ABHD2: variants seen among roughly 807,000 people sequenced by gnomAD.
ABHD2 encodes abhydrolase domain containing 2, acylglycerol lipase, also known as monoacylglycerol lipase ABHD2.
A neutral mutation model predicts 48.1 loss-of-function variants in ABHD2; 20 were observed. The observed-to-expected ratio is 0.42, with a 90% CI of 0.29 to 0.60. The LOEUF is 0.60. Among genes scored for constraint, ABHD2 ranks in the 20% least tolerant of loss-of-function variants. ABHD2 has a pLI of 0.24. For synonymous variants in ABHD2, 209 were observed against 214.2 expected, an observed-to-expected ratio of 0.98 and a Z score of 0.21; for missense variants, 405 against 550.9, an observed-to-expected ratio of 0.74 and a Z score of 2.65.
At chr15:89,171,863 A>T (rs1567102988) in intron 5 of ABHD2, among the ~76,000 whole-genome samples, 1 of 152,142 alleles carries the variant, frequency 6.6e-6, no homozygotes, top group Non-Finnish European at 1.5e-5. Flanking sequence ...CCATGGCCAG[A>T]TCCCACCCCC....
chr15:89,075,573 A>C, the ABHD2 span, among the ~76,000 whole-genome samples: 3 of 152,154 alleles, frequency 2.0e-5, no homozygotes, highest in African/African-American at 7.2e-5. This position sits in a 1 kb window ranked among gnomAD's most constrained non-coding sequence, Gnocchi z 4.1. Context: ...GTGGAGGCGA[A>C]AAAAGATGCT....
Position 89,177,246 on chromosome 15 carries a change from G to A in ABHD2, c.722+1251G>A, listed in dbSNP as rs1158249712. Among the ~76,000 whole-genome samples, 2 of 152,172 alleles carry A rather than the reference G, an allele frequency of 1.3e-5. No homozygotes were observed. Among genetic ancestry groups the A allele is most frequent in the Non-Finnish European group, 2.9e-5 (2 of 68,028 alleles). On this transcript the variant is annotated intron_variant, in intron 6 of 10. Coordinates refer to ENST00000352732, the MANE Select transcript of ABHD2 (RefSeq NM_152924.5). This position sits in a 1 kb window ranked among gnomAD's most constrained non-coding sequence, Gnocchi z 5.6. ...CGCTGAGAGTCAAATGAGTTGATGC[G>A]TGTGAAGTGCTTAGAACAGTGCCCA...
rs1432110327 is a variant in ABHD2, at chr15:89,179,410, C to T, written c.722+3415C>T. On this transcript the variant is annotated intron_variant, in intron 6 of 10. Coordinates refer to ENST00000352732, the MANE Select transcript of ABHD2 (RefSeq NM_152924.5). This position sits in a 1 kb window ranked among gnomAD's most constrained non-coding sequence, Gnocchi z 4.3. ...CAGATCAGCAGTGACATTAGATTCT[C>T]ATAGGAGGATGAACCTTATTGTGAA... 2.0e-5 allele frequency among the ~76,000 whole-genome samples: 3 copies of T among 152,176 alleles called. No individual in the cohort carries two copies. Among genetic ancestry groups the T allele is most frequent in the Non-Finnish European group, 4.4e-5 (3 of 68,040 alleles).
Position 89,195,533 on chromosome 15 carries a change from C to T in ABHD2, c.*110C>T, listed in dbSNP as rs537915030. 2.8e-4 allele frequency: 346 copies of T among 1,222,224 alleles called. No individual in the cohort carries two copies. The highest frequency in any genetic ancestry group is 3.7e-4 in the Non-Finnish European group (330 of 897,374). The allele number at this position is 1,222,224 out of a possible 1,614,324, so 75.7% of individuals were successfully genotyped here. Reference sequence around the variant, plus strand: ...CAGTGACCTGGATCTGACCTCACACCATCAGCAGGGGGCACCCACCATGCA... The same window carrying T: ...CAGTGACCTGGATCTGACCTCACACTATCAGCAGGGGGCACCCACCATGCA... On this transcript the variant is annotated 3_prime_UTR_variant, in exon 11 of 11. Transcript: ENST00000352732. This position sits in a 1 kb window ranked among gnomAD's most constrained non-coding sequence, Gnocchi z 5.1.
upstream of ABHD2, among the ~76,000 whole-genome samples, chr15:89,083,188 T>G (rs927327571): frequency 6.6e-6 from 1 of 152,144 alleles, no homozygotes; most frequent in Admixed American, 6.5e-5. This position sits in a 1 kb window ranked among gnomAD's most constrained non-coding sequence, Gnocchi z 5.1. Context: ...TTTGTAGTTG[T>G]TGTTATTTTT....
At chr15:89,111,574 A>G (rs1193048251) in intron 1 of ABHD2, among the ~76,000 whole-genome samples, 2 of 152,200 alleles carry the variant, frequency 1.3e-5, no homozygotes, top group South Asian at 4.1e-4. Context: ...AGTTGCAGCC[A>G]TGTTTTCTGC....
Position 89,120,011 on chromosome 15 carries a change from G to T in ABHD2, c.194+3490G>T, listed in dbSNP as rs1192054870. 6.6e-6 allele frequency among the ~76,000 whole-genome samples: 1 copy of T among 152,156 alleles called. No individual in the cohort carries two copies. Among genetic ancestry groups the T allele is most frequent in the Non-Finnish European group, 1.5e-5 (1 of 68,042 alleles). The stretch of plus-strand genomic sequence containing the variant: ...GCTGTGAATATTAGTCAGTAATCCT[G>T]ACCGCGGGTAGCTGGTTATGATGAC... On this transcript the variant is annotated intron_variant, in intron 3 of 10. Transcript: ENST00000352732. This position sits in a 1 kb window ranked among gnomAD's most constrained non-coding sequence, Gnocchi z 4.2.
chr15:89,142,354 T>C (rs892255123), intron 3 of ABHD2, among the ~76,000 whole-genome samples: 1 of 152,256 alleles, frequency 6.6e-6, no homozygotes, highest in African/African-American at 2.4e-5. Context: ...AAATTCTTGA[T>C]GCTAGAACCA....
Position 89,155,573 on chromosome 15 carries a change from G to A in ABHD2, c.538+39G>A. 1 of 1,588,878 alleles carries A rather than the reference G, an allele frequency of 6.3e-7. No homozygotes were observed. The highest frequency in any genetic ancestry group is 8.6e-7 in the Non-Finnish European group (1 of 1,163,228). ...AGTGGAGTCCTCCCTTTTTCTGCAA[G>A]TGTGCTACTACTTCTGCTTCTGCCT... On this transcript the variant is annotated intron_variant, in intron 5 of 10. Coordinates refer to ENST00000352732, the MANE Select transcript of ABHD2 (RefSeq NM_152924.5). The surrounding 1 kb of genome is among the most constrained non-coding windows in gnomAD (Gnocchi z 4.9).
intron 5 of ABHD2, among the ~76,000 whole-genome samples, chr15:89,156,115 C>CT (rs1185978751): frequency 0.031 from 2,618 of 85,496 alleles, 88 homozygotes; most frequent in Non-Finnish European, 0.039. Flanking sequence ...TTTTTATTGT[C>CT]TTTTTTTTTT....
chr15:89,180,126 CAA>C (rs1456355982), intron 6 of ABHD2, among the ~76,000 whole-genome samples: 1 of 152,160 alleles, frequency 6.6e-6, no homozygotes, highest in African/African-American at 2.4e-5. Flanking sequence ...CACAGCCAAA[CAA>C]AGAGGGGGAA....
chr15:89,089,753 G>A (rs1015662856), intron 1 of ABHD2, among the ~76,000 whole-genome samples: 3 of 152,160 alleles, frequency 2.0e-5, no homozygotes, highest in Non-Finnish European at 2.9e-5. Context: ...GTCATTTGCC[G>A]GAATAGAGAG....
rs1381564698 is a variant in ABHD2 at position 89,097,713 on chromosome 15, A to G, written c.-107+9150A>G. Among the ~76,000 whole-genome samples, 3 of 152,194 alleles carry G rather than the reference A, an allele frequency of 2.0e-5. No individual in the cohort carries two copies. Among genetic ancestry groups the G allele is most frequent in the African/African-American group, 7.2e-5 (3 of 41,424 alleles). On this transcript the variant is annotated intron_variant, in intron 1 of 10. Transcript: ENST00000352732. The surrounding 1 kb of genome is among the most constrained non-coding windows in gnomAD (Gnocchi z 4.2). ...AAGAGTGGAAAACTTCCTCCCAAGAAGCACTCAATGTTACTAGTATCTTGT... is the reference window on the plus strand; with the variant it reads ...AAGAGTGGAAAACTTCCTCCCAAGAGGCACTCAATGTTACTAGTATCTTGT...
In ABHD2 at chr15:89,186,591, A is replaced by G. The variant is rs1397002950; in HGVS notation, c.815+1075A>G. Among the ~76,000 whole-genome samples the G allele has an allele frequency of 1.3e-5, 2 of 152,048 alleles. No individual in the cohort carries two copies. Among genetic ancestry groups the G allele is most frequent in the African/African-American group, 2.4e-5 (1 of 41,404 alleles). On this transcript the variant is annotated intron_variant, in intron 7 of 10. Transcript: ENST00000352732. This position sits in a 1 kb window ranked among gnomAD's most constrained non-coding sequence, Gnocchi z 4.3. The stretch of plus-strand genomic sequence containing the variant: ...CAATTCTCCTGCTTCTGTGAAGCCA[A>G]CTCATCCATGCCCAAGTTGCTTTTC...
chr15:89,076,162 G>A, the ABHD2 span, among the ~76,000 whole-genome samples: 54,959 of 152,068 alleles, frequency 0.36, 11,423 homozygotes, highest in Non-Finnish European at 0.48. Flanking sequence ...GTTCCTTTGC[G>A]AACACACTGA....
At chr15:89,089,955 G>A (rs1901527874) in intron 1 of ABHD2, among the ~76,000 whole-genome samples, 2 of 152,124 alleles carry the variant, frequency 1.3e-5, no homozygotes, top group Non-Finnish European at 2.9e-5. Context: ...GTCTAATTAG[G>A]TGGACTCTCA....
chr15:89,067,027 T>C, the ABHD2 span, among the ~76,000 whole-genome samples: 44 of 152,152 alleles, frequency 2.9e-4, no homozygotes, highest in South Asian at 8.5e-3. Context: ...TTCTATACAG[T>C]TGAGGAAGGA....
intron 3 of ABHD2, among the ~76,000 whole-genome samples, chr15:89,117,187 G>A (rs577282317): frequency 2.6e-4 from 40 of 152,206 alleles, no homozygotes; most frequent in Middle Eastern, 3.4e-3. Flanking sequence ...CACCATGCCC[G>A]GCTAATTTTT....
intron 3 of ABHD2, among the ~76,000 whole-genome samples, chr15:89,131,780 G>C (rs921342382): frequency 6.6e-6 from 1 of 152,166 alleles, no homozygotes; most frequent in Non-Finnish European, 1.5e-5. Context: ...CTGTAACAGT[G>C]TTGAAAAGAA....
Sources: gnomAD v4.1 joint callset for allele counts (sites outside exome capture counted in the v4.1 genomes callset) on GRCh38, gnomAD v4.1.1 for gene constraint, Gnocchi (gnomAD v3.1) non-coding constraint, MANE v1.5 for transcripts, NCBI Gene and HGNC (gene_info 2026-07-23, HGNC 2026-07-21) for gene names.